Variants in USP43 observed in about 807,000 individuals in gnomAD.
USP43 encodes the protein ubiquitin carboxyl-terminal hydrolase 43.
In USP43, 33 loss-of-function variants were observed where a neutral mutation model predicts 90.7. The ratio of observed to expected loss-of-function variants is 0.36; its 90% CI spans 0.28 to 0.49. The LOEUF is 0.49. Ranked by LOEUF, USP43 falls within the 20% of genes least tolerant of loss-of-function variation. USP43 has a pLI of 0.98. For missense variants in USP43, 1,274 were observed against 1,476.4 expected, an observed-to-expected ratio of 0.86 and a Z score of 2.25; for synonymous variants, 598 against 615.8, an observed-to-expected ratio of 0.97 and a Z score of 0.43.
At position 9,728,028 on chromosome 17, in the gene USP43, C is replaced by T. The variant is rs1917362781; in HGVS notation, c.2410C>T (p.Arg804Ter). ...SISMKAPTTS[R>*]AKQGPFKTMP... ...TAGCATGAAGGCACCCACCACTTCC[C>T]GAGCCAAGCAGGGACCATTCAAGAC... Residue 804 changes from arginine (R) to a stop codon, truncating the protein, a stop_gained, in exon 15 of 15, where the codon CGA becomes TGA. Coordinates refer to ENST00000285199, the MANE Select transcript of USP43 (RefSeq NM_153210.5). LOFTEE classifies it low-confidence loss of function (END_TRUNC). This position sits in a 1 kb window ranked among gnomAD's most constrained non-coding sequence, Gnocchi z 6.2. 3 of 1,613,586 alleles carry T rather than the reference C, an allele frequency of 1.9e-6. No homozygotes were observed. The highest frequency in any genetic ancestry group is 2.2e-5 in the East Asian group (1 of 44,842).
chr17:9,698,445 C>T (rs577191968), intron 9 of USP43, among the ~76,000 whole-genome samples: 23 of 152,336 alleles, frequency 1.5e-4, no homozygotes, highest in African/African-American at 4.8e-4. Context: ...GTGTGTGTCC[C>T]CAGACACCTG....
At position 9,709,580 on chromosome 17, in the gene USP43, G is replaced by A. The variant is rs1279076727; in HGVS notation, c.2012-376G>A. Among the ~76,000 whole-genome samples the A allele has an allele frequency of 6.6e-6, 1 of 151,988 alleles. No homozygotes were observed. The highest frequency in any genetic ancestry group is 1.5e-5 in the Non-Finnish European group (1 of 68,014). On this transcript the variant is annotated intron_variant, in intron 12 of 14. Coordinates refer to ENST00000285199, the MANE Select transcript of USP43 (RefSeq NM_153210.5). The surrounding 1 kb of genome is among the most constrained non-coding windows in gnomAD (Gnocchi z 5.0). ...AAAATATAAATATTAGCCGGGTGTGGTGGCAGGCAACTGTAATCCTAGCTA... is the reference window on the plus strand; with the variant it reads ...AAAATATAAATATTAGCCGGGTGTGATGGCAGGCAACTGTAATCCTAGCTA...
intron 14 of USP43, among the ~76,000 whole-genome samples, chr17:9,716,267 G>C (rs770723509): frequency 6.6e-6 from 1 of 151,852 alleles, no homozygotes; most frequent in African/African-American, 2.4e-5. Context: ...CTTGTGATTA[G>C]TATACTTTAC....
At chr17:9,697,195 C>G (rs1476626375) in intron 9 of USP43, among the ~76,000 whole-genome samples, 1 of 151,936 alleles carries the variant, frequency 6.6e-6, no homozygotes, top group African/African-American at 2.4e-5. Flanking sequence ...CCAGCCTGGG[C>G]AACAGAGCGA....
intron 1 of USP43, among the ~76,000 whole-genome samples, chr17:9,653,387 A>G (rs1400101894): frequency 6.6e-6 from 1 of 152,164 alleles, no homozygotes; most frequent in Non-Finnish European, 1.5e-5. Context: ...CAGGAGTTCA[A>G]GACCAGCCTG....
At chr17:9,715,511 T>C (rs1916452810) in intron 14 of USP43, among the ~76,000 whole-genome samples, 1 of 152,060 alleles carries the variant, frequency 6.6e-6, no homozygotes, top group South Asian at 2.1e-4. Context: ...TGTGTATGTG[T>C]GTTTGTGCCT....
Position 9,720,850 on chromosome 17 carries a change from G to A in USP43, c.2336-7104G>A, listed in dbSNP as rs1191595693. Among the ~76,000 whole-genome samples, 3 of 152,134 alleles carry A rather than the reference G, an allele frequency of 2.0e-5. No homozygotes were observed. The East Asian group carries it at 5.8e-4, about 29-fold the overall frequency. On this transcript the variant is annotated intron_variant, in intron 14 of 14. Transcript: ENST00000285199. ...CTGGCATTTATTCCCCGGGTGGGGC[G>A]CAAGGATGCTAAGTGTCCTGCAATG... is the stretch of plus-strand genomic sequence containing the variant.
chr17:9,669,077 C>T (rs896487130), intron 3 of USP43, among the ~76,000 whole-genome samples: 1 of 151,884 alleles, frequency 6.6e-6, no homozygotes, highest in Non-Finnish European at 1.5e-5. Context: ...AACTCCTGAC[C>T]TTGTGATCCA....
At chr17:9,719,583 A>G (rs1008419029) in intron 14 of USP43, among the ~76,000 whole-genome samples, 2 of 152,220 alleles carry the variant, frequency 1.3e-5, no homozygotes, top group Non-Finnish European at 2.9e-5. Context: ...TGGGGCTGAA[A>G]TAGACCCGTT....
intron 9 of USP43, among the ~76,000 whole-genome samples, chr17:9,695,360 G>A (rs1445412682): frequency 6.6e-6 from 1 of 151,736 alleles, no homozygotes; most frequent in African/African-American, 2.4e-5. Flanking sequence ...TTGAGATGGA[G>A]TCTCACTCTG....
intron 12 of USP43, among the ~76,000 whole-genome samples, chr17:9,706,676 C>T (rs928662827): frequency 1.6e-5 from 2 of 125,428 alleles, no homozygotes; most frequent in African/African-American, 6.3e-5. Flanking sequence ...CAGAGTCTCG[C>T]TCTGTGTCCC....
intron 8 of USP43, among the ~76,000 whole-genome samples, chr17:9,692,741 C>G (rs1915030049): frequency 1.3e-5 from 2 of 152,102 alleles, no homozygotes; most frequent in South Asian, 4.1e-4. Flanking sequence ...TAGAAAATTG[C>G]CTCATTGTGG....
chr17:9,693,030 T>C, intron 8 of USP43, 97 bp from the exon 9 acceptor site: 1 of 897,666 alleles, frequency 1.1e-6, no homozygotes. Context: ...CTATGGAAAA[T>C]AATGATTATA....
intron 13 of USP43, among the ~76,000 whole-genome samples, chr17:9,711,586 C>T (rs865815521): frequency 9.2e-5 from 14 of 152,060 alleles, no homozygotes; most frequent in Admixed American, 2.0e-4. Flanking sequence ...CCCACCACCA[C>T]GCCCAGCTAA....
intron 12 of USP43, among the ~76,000 whole-genome samples, chr17:9,706,903 A>G (rs777086976): frequency 2.6e-5 from 4 of 152,004 alleles, no homozygotes; most frequent in African/African-American, 4.8e-5. Flanking sequence ...TCGGCCTCCC[A>G]AAGTGCTGGG....
intron 1 of USP43, among the ~76,000 whole-genome samples, chr17:9,654,577 AG>A (rs1244380692): frequency 6.7e-6 from 1 of 148,396 alleles, no homozygotes; most frequent in Non-Finnish European, 1.5e-5. Context: ...TTGAACCCAT[AG>A]GTGGAGATTG....
At chr17:9,679,618 C>T (rs542785688) in intron 5 of USP43, among the ~76,000 whole-genome samples, 3 of 150,254 alleles carry the variant, frequency 2.0e-5, no homozygotes, top group East Asian at 4.0e-4. Flanking sequence ...CTCCGCCTCC[C>T]GGGTTCACAC....
chr17:9,680,599 A>T (rs1326441420), intron 6 of USP43, among the ~76,000 whole-genome samples: 2 of 152,160 alleles, frequency 1.3e-5, no homozygotes, highest in African/African-American at 4.8e-5. Flanking sequence ...GGGCGTGTGA[A>T]AGCAGATTTC....
chr17:9,701,010 G>A lies in USP43; in HGVS notation c.1536-109G>A, dbSNP rs963202374. ...AGGAACCCATAGGCAGGGCACGGTA[G>A]TGTGGCCTGGCCAATGTCTGCTGAC... On this transcript the variant is annotated intron_variant, in intron 10 of 14. Transcript: ENST00000285199. The surrounding 1 kb of genome is among the most constrained non-coding windows in gnomAD (Gnocchi z 7.2). 40 of 1,352,640 alleles carry A rather than the reference G, an allele frequency of 3.0e-5. No homozygotes were observed. The highest frequency in any genetic ancestry group is 1.2e-4 in the African/African-American group (8 of 68,196). The allele number at this position is 1,352,640 out of a possible 1,614,324, so 83.8% of individuals were successfully genotyped here. A position where few individuals can be genotyped will look rare whatever the true frequency, so the allele number is the denominator to read the frequency against.
Sources: allele counts gnomAD v4.1 joint callset (sites outside exome capture counted in the v4.1 genomes callset), GRCh38; gene constraint gnomAD v4.1.1; non-coding constraint Gnocchi (gnomAD v3.1); transcripts MANE v1.5; gene names NCBI Gene and HGNC (gene_info 2026-07-23, HGNC 2026-07-21).